CPAMD8: variants seen among roughly 807,000 people sequenced by gnomAD.
The protein encoded by CPAMD8 is C3 and PZP-like alpha-2-macroglobulin domain-containing protein 8.
A neutral mutation model predicts 224.7 loss-of-function variants in CPAMD8; 146 were observed. The observed-to-expected ratio is 0.65, with a 90% confidence interval of 0.57 to 0.75. The LOEUF (loss-of-function observed/expected upper bound fraction) is 0.75, where lower values mean the gene tolerates loss of function less well. Among genes scored for constraint, CPAMD8 ranks in the 30% least tolerant of loss-of-function variants. CPAMD8 has a pLI of 0.00. For synonymous variants in CPAMD8, 966 were observed against 1,044.6 expected (o/e 0.92, Z 1.45); for missense variants, 2,301 against 2,537.5 (o/e 0.91, Z 2.00).
At position 16,980,656 on chromosome 19, in the gene CPAMD8, A is replaced by G. The variant is rs768758844; in HGVS notation, c.1426T>C (p.Ser476Pro). The change falls in exon 14 of 42, where the codon TCC becomes CCC. Residue 476 changes from serine (S) to proline (P), a missense_variant. Physicochemically the swap from Ser to Pro is moderately conservative, Grantham distance 74. Around this residue, in one of 4 missense-constraint regions of CPAMD8, gnomAD observed 301 missense variants for 406.6 expected, o/e 0.74. Coordinates refer to ENST00000443236, the MANE Select transcript of CPAMD8 (RefSeq NM_015692.5). Reference sequence around the variant, plus strand: ...AGGGTAAAGTTGCAGGGACATGTGGACTTCACAGAAAAATAGGCTTCTTCC... The same window carrying G: ...AGGGTAAAGTTGCAGGGACATGTGGGCTTCACAGAAAAATAGGCTTCTTCC... ...VGEEAYFSVK[S>P]TCPCNFTLYY... The G allele has an allele frequency of 2.6e-6, 4 of 1,562,874 alleles. No homozygotes were observed. Among genetic ancestry groups the G allele is most frequent in the Non-Finnish European group, 3.5e-6 (4 of 1,155,990 alleles).
intron 23 of CPAMD8, 135 bp downstream of exon 23, chr19:16,938,260 G>A: frequency 1.8e-6 from 1 of 543,284 alleles, no homozygotes; most frequent in South Asian, 2.7e-5. Flanking sequence ...CTAAACCACA[G>A]TGCCCCCTTC....
At chr19:17,017,480 G>T (rs374450590) in intron 3 of CPAMD8, among the ~76,000 whole-genome samples, 2 of 152,122 alleles carry the variant, frequency 1.3e-5, no homozygotes, top group Non-Finnish European at 2.9e-5. Flanking sequence ...GCTGCTCTAG[G>T]GTTTTGGTTC....
Position 16,906,370 on chromosome 19 carries a change from CTTTCTTTCTTTCTTTCTTTCTTTCTTTCT to C in CPAMD8, c.4027+553_4027+581del, listed in dbSNP as rs1568459326. ...TCTTTCTTTCTTTCTTTCTTTCTTT[CTTTCTTTCTTTCTTTCTTTCTTTCTTTCT>C]TTCTTTCTTTCCTTCCTTCCTTCCT... is the stretch of plus-strand genomic sequence containing the variant. On this transcript the variant is annotated intron_variant, in intron 30 of 41. Coordinates refer to ENST00000443236, the MANE Select transcript of CPAMD8 (RefSeq NM_015692.5). Among the ~76,000 whole-genome samples the C allele has an allele frequency of 3.3e-3, 303 of 90,748 alleles. 3 individuals carry two copies. Among genetic ancestry groups the C allele is most frequent in the Non-Finnish European group, 5.3e-3 (242 of 45,708 alleles). The allele number at this position is 90,748 out of a possible 152,430, so 59.5% of individuals were successfully genotyped here.
rs957547941 is a variant in CPAMD8, at chr19:16,899,767, C to T, written c.4774-218G>A. 6.6e-6 allele frequency among the ~76,000 whole-genome samples: 1 copy of T among 152,166 alleles called. No individual in the cohort carries two copies. Among genetic ancestry groups the T allele is most frequent in the Non-Finnish European group, 1.5e-5 (1 of 68,040 alleles). On this transcript the variant is annotated intron_variant, in intron 36 of 41. Coordinates refer to ENST00000443236, the MANE Select transcript of CPAMD8 (RefSeq NM_015692.5). This position sits in a 1 kb window ranked among gnomAD's most constrained non-coding sequence, Gnocchi z 5.4. ...TCCCCGCTGGGAGCACCTGCCTCGC[C>T]TCCCTATACACTCCCTCAACCCAGC...
At chr19:16,980,763 G>C (rs990607513) in intron 13 of CPAMD8, 77 bp from the exon 14 acceptor site, 4 of 1,217,662 alleles carry the variant, frequency 3.3e-6, no homozygotes, top group African/African-American at 1.6e-5. Context: ...GGCCATTCTG[G>C]GGCCAGAGGG....
chr19:16,998,008 G>C (rs2056190514), intron 10 of CPAMD8, among the ~76,000 whole-genome samples: 1 of 152,200 alleles, frequency 6.6e-6, no homozygotes, highest in Admixed American at 6.5e-5. Flanking sequence ...TTCAGAAAGA[G>C]CTGTGGAGTA....
Position 16,989,742 on chromosome 19 carries a change from A to C in CPAMD8, c.1296T>G (p.Pro432=). Residue 432 remains proline (P), a synonymous_variant, in exon 13 of 42, where the codon CCT becomes CCG. Transcript: ENST00000443236. ...AGCTGGGCAGGTACTGAGCCCCCAC[A>C]GGCTTCCCGTTCAGTGCCATCACCT... is the stretch of plus-strand genomic sequence containing the variant. The part of the protein sequence containing the change: ...ETKVMALNGK[P]VGAQYLPSYL... The C allele has an allele frequency of 1.2e-6, 2 of 1,613,574 alleles. No homozygotes were observed. Among genetic ancestry groups the C allele is most frequent in the Non-Finnish European group, 1.7e-6 (2 of 1,179,752 alleles).
chr19:16,955,723 C>G (rs2054449215), intron 19 of CPAMD8, among the ~76,000 whole-genome samples: 1 of 152,204 alleles, frequency 6.6e-6, no homozygotes, highest in African/African-American at 2.4e-5. Flanking sequence ...GTAGCCCAGG[C>G]TGGAGTGCAG....
At chr19:16,946,217 CTG>C (rs772893664) in intron 21 of CPAMD8, among the ~76,000 whole-genome samples, 198 of 142,130 alleles carry the variant, frequency 1.4e-3, no homozygotes, top group African/African-American at 4.9e-3. Context: ...AGGCATGTGT[CTG>C]TGTGTGTGGA....
At position 17,008,516 on chromosome 19, in the gene CPAMD8, G is replaced by A. The variant is rs758310062; in HGVS notation, c.548C>T (p.Pro183Leu). The change falls in exon 7 of 42, where the codon CCG becomes CTG. Residue 183 changes from proline (P) to leucine (L), a missense_variant. This residue lies in a region of CPAMD8 where 283 missense variants were observed against 340.6 expected (regional missense o/e 0.83). Transcript: ENST00000443236. ...AGGAAGAAACTTACCGCAGCAGAAC[G>A]GCTTTAAGTGTCTCCACTCTATCAT... ...SRMIEWRHLKPFCCGITNMSF... is the reference protein window; with the variant it reads ...SRMIEWRHLKLFCCGITNMSF... 27 of 1,613,130 alleles carry A rather than the reference G, an allele frequency of 1.7e-5. No homozygotes were observed. The Middle Eastern group carries it at 1.7e-3, about 101-fold the overall frequency.
intron 39 of CPAMD8, 69 bp from the exon 40 acceptor site, chr19:16,896,734 G>A: frequency 8.6e-7 from 1 of 1,165,988 alleles, no homozygotes; most frequent in Non-Finnish European, 1.1e-6. Flanking sequence ...AGAACCTGGG[G>A]GTGGGGAAGA....
At chr19:16,945,812 G>A (rs1237579182) in intron 21 of CPAMD8, 133 bp from the exon 22 acceptor site, 1 of 808,734 alleles carries the variant, frequency 1.2e-6, no homozygotes, top group Admixed American at 1.9e-5. Flanking sequence ...TGTATATGCA[G>A]ATGTGTGCAT....
rs1449319174 is a variant in CPAMD8 at position 16,938,451 on chromosome 19, A to G, written c.2794-5T>C. On this transcript the variant is annotated splice_region_variant and splice_polypyrimidine_tract_variant and intron_variant, in intron 22 of 41. Transcript: ENST00000443236. The stretch of plus-strand genomic sequence containing the variant: ...CGCCCGGGGGACTCCTTCCGCCTGA[A>G]ACAAAGAAACAAGGAGAACTGAGTG... The G allele has an allele frequency of 3.2e-6, 5 of 1,567,980 alleles. No individual in the cohort carries two copies. The South Asian group carries it at 5.8e-5, about 18-fold the overall frequency.
At chr19:16,938,086 C>A (rs538822027) in intron 23 of CPAMD8, among the ~76,000 whole-genome samples, 2 of 152,292 alleles carry the variant, frequency 1.3e-5, no homozygotes, top group East Asian at 3.9e-4. Context: ...CGTGCCCGGG[C>A]AGCCTAACCT....
At chr19:17,026,524 C>T (rs758798431) in intron 1 of CPAMD8, 27 bp downstream of exon 1, 302 of 1,474,718 alleles carry the variant, frequency 2.0e-4, no homozygotes, top group Non-Finnish European at 2.3e-4. Context: ...AGGCGACCGA[C>T]CTCCTCTGTC....
At chr19:17,022,918 T>C (rs2056996291) in intron 1 of CPAMD8, among the ~76,000 whole-genome samples, 1 of 151,724 alleles carries the variant, frequency 6.6e-6, no homozygotes, top group South Asian at 2.1e-4. Flanking sequence ...CCCACCACCG[T>C]GAGAAGTGCT....
intron 7 of CPAMD8, 107 bp downstream of exon 7, chr19:17,008,398 A>C (rs2123110366): frequency 1.5e-6 from 2 of 1,360,904 alleles, no homozygotes; most frequent in Non-Finnish European, 1.0e-6. Flanking sequence ...CTCCAGCTGG[A>C]GCAGCAGTGG....
chr19:16,899,473 A>G lies in CPAMD8; in HGVS notation c.4848+2T>C. The G allele has an allele frequency of 1.4e-6, 2 of 1,458,590 alleles. No homozygotes were observed. Among genetic ancestry groups the G allele is most frequent in the Non-Finnish European group, 1.9e-6 (2 of 1,038,782 alleles). The allele number at this position is 1,458,590 out of a possible 1,614,324, so 90.4% of individuals were successfully genotyped here. A position where few individuals can be genotyped will look rare whatever the true frequency, so the allele number is the denominator to read the frequency against. Reference sequence around the variant, plus strand: ...TCCTCCACCAACCCCGGCTGGTGGTACCTCATCAAAGTAGAAGAGCACTCG... The same window carrying G: ...TCCTCCACCAACCCCGGCTGGTGGTGCCTCATCAAAGTAGAAGAGCACTCG... On this transcript the variant is annotated splice_donor_variant, in intron 37 of 41. Transcript: ENST00000443236. LOFTEE classifies it high-confidence loss of function. The surrounding 1 kb of genome is among the most constrained non-coding windows in gnomAD (Gnocchi z 5.4).
intron 27 of CPAMD8, among the ~76,000 whole-genome samples, chr19:16,920,855 CAA>C (rs200039066): frequency 5.9e-5 from 7 of 119,080 alleles, no homozygotes; most frequent in Non-Finnish European, 8.4e-5. Context: ...GACTCTATCT[CAA>C]AAAAAAAAAA....
Sources: allele counts gnomAD v4.1 joint callset (sites outside exome capture counted in the v4.1 genomes callset), GRCh38; gene constraint gnomAD v4.1.1; regional missense constraint gnomAD v4.1.1; non-coding constraint Gnocchi (gnomAD v3.1); transcripts MANE v1.5; gene names NCBI Gene and HGNC (gene_info 2026-07-23, HGNC 2026-07-21).